Variants in CHCHD3 observed in about 807,000 individuals in gnomAD.
CHCHD3 encodes coiled-coil-helix-coiled-coil-helix domain containing 3, also known as MICOS complex subunit MIC19.
CHCHD3 carries 20 observed loss-of-function variants against 38.2 expected under a neutral mutation model. The observed-to-expected ratio is 0.52, with a 90% CI of 0.37 to 0.76. The LOEUF is 0.76. Ranked by LOEUF, CHCHD3 falls within the 30% of genes least tolerant of loss-of-function variation. The pLI is 0.00. For missense variants in CHCHD3, 245 were observed against 279.2 expected, an observed-to-expected ratio of 0.88 and a Z score of 0.87; for synonymous variants, 82 against 100.0, an observed-to-expected ratio of 0.82 and a Z score of 1.07.
chr7:133,042,822 T>C, intron 2 of CHCHD3, among the ~76,000 whole-genome samples: 1 of 152,224 alleles, frequency 6.6e-6, no homozygotes, highest in East Asian at 1.9e-4. Context: ...ATAATGAATA[T>C]TATTAATAAA....
chr7:132,809,624 T>C (rs10276339), intron 6 of CHCHD3, among the ~76,000 whole-genome samples: 26,056 of 152,070 alleles, frequency 0.17, 2,362 homozygotes, highest in African/African-American at 0.21. Context: ...CCCACTGAAA[T>C]TTCTGTTAAA....
At chr7:133,012,065 G>A (rs994590058) in intron 3 of CHCHD3, among the ~76,000 whole-genome samples, 33 of 152,050 alleles carry the variant, frequency 2.2e-4, no homozygotes, top group Non-Finnish European at 2.6e-4. Context: ...TCTGTTACCC[G>A]CAATTTTCTG....
intron 5 of CHCHD3, among the ~76,000 whole-genome samples, chr7:132,858,458 G>A (rs903906192): frequency 6.6e-6 from 1 of 152,136 alleles, no homozygotes; most frequent in African/African-American, 2.4e-5. Context: ...ATGATGCAAT[G>A]GAAAGTTCTG....
intron 5 of CHCHD3, among the ~76,000 whole-genome samples, chr7:132,840,163 C>G (rs1214429934): frequency 6.6e-6 from 1 of 152,188 alleles, no homozygotes; most frequent in Non-Finnish European, 1.5e-5. Flanking sequence ...GTCACACCTT[C>G]CTATCTGTTT....
intron 6 of CHCHD3, among the ~76,000 whole-genome samples, chr7:132,807,162 G>A (rs2117045042): frequency 6.6e-6 from 1 of 152,316 alleles, no homozygotes; most frequent in East Asian, 1.9e-4. Flanking sequence ...GCTGGACACA[G>A]AACAGCAGAG....
At chr7:133,004,532 C>T (rs915499138) in intron 3 of CHCHD3, among the ~76,000 whole-genome samples, 1 of 152,174 alleles carries the variant, frequency 6.6e-6, no homozygotes, top group African/African-American at 2.4e-5. Flanking sequence ...GTCAGGTTAA[C>T]TAATGCCATG....
chr7:133,009,363 CA>C (rs71178076), intron 3 of CHCHD3, among the ~76,000 whole-genome samples: 4,540 of 67,308 alleles, frequency 0.067, 92 homozygotes, highest in Middle Eastern at 0.11. Flanking sequence ...GACTCTGTCT[CA>C]AAAAAAAAAA....
At position 133,080,890 on chromosome 7, in the gene CHCHD3, T is replaced by C. The variant is rs184183538; in HGVS notation, c.81+967A>G. Among the ~76,000 whole-genome samples the C allele has an allele frequency of 8.7e-5, 13 of 149,994 alleles. No homozygotes were observed. In the East Asian group the frequency reaches 2.2e-3, roughly 25 times the overall value. Reference sequence around the variant, plus strand: ...TACAAATGTAATTTATTTACGCTGGTTGATAACAGAAAAAAATATATAAAT... The same window carrying C: ...TACAAATGTAATTTATTTACGCTGGCTGATAACAGAAAAAAATATATAAAT... On this transcript the variant is annotated intron_variant, in intron 1 of 7. Transcript: ENST00000262570.
At chr7:132,846,312 A>T (rs1808075113) in intron 5 of CHCHD3, among the ~76,000 whole-genome samples, 1 of 152,220 alleles carries the variant, frequency 6.6e-6, no homozygotes, top group Non-Finnish European at 1.5e-5. Context: ...CGGGAGAGAG[A>T]CTACAGGCTA....
chr7:132,918,960 C>T (rs1249878246), intron 4 of CHCHD3, among the ~76,000 whole-genome samples: 1 of 152,100 alleles, frequency 6.6e-6, no homozygotes, highest in Non-Finnish European at 1.5e-5. Context: ...GCCATGGACA[C>T]TGCAAAGCAA....
chr7:133,023,243 A>C (rs1813244040), intron 3 of CHCHD3, among the ~76,000 whole-genome samples: 1 of 152,186 alleles, frequency 6.6e-6, no homozygotes, highest in South Asian at 2.1e-4. Context: ...TTAAATTGTA[A>C]GTCATAAGCC....
chr7:133,023,852 A>G (rs571937715), intron 3 of CHCHD3, among the ~76,000 whole-genome samples: 2 of 152,296 alleles, frequency 1.3e-5, no homozygotes, highest in East Asian at 3.9e-4. Flanking sequence ...GGCATGTACC[A>G]TAATTAATTC....
chr7:132,891,727 C>A (rs1168448867), intron 4 of CHCHD3, among the ~76,000 whole-genome samples: 1 of 152,220 alleles, frequency 6.6e-6, no homozygotes, highest in African/African-American at 2.4e-5. Context: ...CTGTAATCCC[C>A]ATAATCCCCA....
chr7:132,823,657 A>G lies in CHCHD3; in HGVS notation c.524+14742T>C, dbSNP rs1328168205. ...TAATAATCAAGTGGACTAGCAATAG[A>G]AAATTTGCCTAGTAAGTGAGCTAAT... On this transcript the variant is annotated intron_variant, in intron 6 of 7. Transcript: ENST00000262570. 3.3e-5 allele frequency among the ~76,000 whole-genome samples: 5 copies of G among 152,354 alleles called. No individual in the cohort carries two copies. The East Asian group carries it at 9.6e-4, about 29-fold the overall frequency.
intron 6 of CHCHD3, among the ~76,000 whole-genome samples, chr7:132,817,943 G>A (rs1807245169): frequency 6.6e-6 from 1 of 151,778 alleles, no homozygotes; most frequent in Admixed American, 6.6e-5. Flanking sequence ...AAAAAGGAAA[G>A]CTTTGGAGAA....
chr7:132,973,077 G>T, intron 4 of CHCHD3: 8 of 985,336 alleles, frequency 8.1e-6, no homozygotes, highest in Non-Finnish European at 9.6e-6. Context: ...CTGAGTGTGT[G>T]TATATATTTA....
Position 132,882,804 on chromosome 7 carries a change from C to G in CHCHD3, c.453+2858G>C, listed in dbSNP as rs577459237. Among the ~76,000 whole-genome samples the G allele has an allele frequency of 3.3e-5, 5 of 152,134 alleles. No homozygotes were observed. The South Asian group carries it at 1.0e-3, about 32-fold the overall frequency. The stretch of plus-strand genomic sequence containing the variant: ...TCATTGGGTGAGGAAAAGCAGGTGC[C>G]AAGTATATCACCTCAAAAACTTTCA... On this transcript the variant is annotated intron_variant, in intron 5 of 7. Transcript: ENST00000262570.
chr7:132,984,223 T>C (rs1387520546), intron 3 of CHCHD3, among the ~76,000 whole-genome samples: 1 of 151,692 alleles, frequency 6.6e-6, no homozygotes, highest in Non-Finnish European at 1.5e-5. Context: ...GCGCCACGCC[T>C]GACTGGTTTT....
intron 4 of CHCHD3, among the ~76,000 whole-genome samples, chr7:132,967,355 G>A (rs936860909): frequency 3.6e-4 from 55 of 152,102 alleles, no homozygotes; most frequent in Non-Finnish European, 6.3e-4. Context: ...TGGCAACACC[G>A]TGTTGACTGG....
Sources: allele counts gnomAD v4.1 joint callset (sites outside exome capture counted in the v4.1 genomes callset), GRCh38; gene constraint gnomAD v4.1.1; transcripts MANE v1.5; gene names NCBI Gene and HGNC (gene_info 2026-07-23, HGNC 2026-07-21).